TSHR: variants seen among roughly 807,000 people sequenced by gnomAD.
TSHR encodes the protein thyrotropin receptor.
A neutral mutation model predicts 64.1 loss-of-function variants in TSHR; 51 were observed. That is an observed-to-expected ratio of 0.80 (90% CI 0.64 to 1.01). TSHR has a LOEUF of 1.01. TSHR is among the 50% of genes least tolerant of loss of function. TSHR has a pLI of 0.00. For missense variants in TSHR, 877 were observed against 942.8 expected (o/e 0.93, Z 0.91); for synonymous variants, 361 against 361.9 (o/e 1.00, Z 0.03).
intron 1 of TSHR, among the ~76,000 whole-genome samples, chr14:81,055,162 C>A (rs1410298180): frequency 6.6e-6 from 1 of 152,136 alleles, no homozygotes; most frequent in Non-Finnish European, 1.5e-5. Flanking sequence ...CAGCTCAGAC[C>A]ATGGCTTCAG....
chr14:81,035,964 C>T (rs1246623254), intron 1 of TSHR, among the ~76,000 whole-genome samples: 5 of 152,050 alleles, frequency 3.3e-5, no homozygotes, highest in African/African-American at 9.7e-5. Flanking sequence ...TTCAGAGCTT[C>T]AATAGCAGAC....
At position 80,955,684 on chromosome 14, in the gene TSHR, A is replaced by G; in HGVS notation, c.4A>G (p.Arg2Gly). The change falls in exon 1 of 10, where the codon AGG becomes GGG. Residue 2 changes from arginine (R) to glycine (G), a missense_variant. Physicochemically the swap from Arg to Gly is moderately radical, Grantham distance 125. Coordinates refer to ENST00000298171, the MANE Select transcript of TSHR (RefSeq NM_000369.5). M[R>G]PADLLQLVLL... ...ATAGCCCCGAGTCCCGTGGAAAATG[A>G]GGCCGGCGGACTTGCTGCAGCTGGT... 1 of 1,613,982 alleles carries G rather than the reference A, an allele frequency of 6.2e-7. No individual in the cohort carries two copies. Among genetic ancestry groups the G allele is most frequent in the Non-Finnish European group, 8.5e-7 (1 of 1,179,968 alleles).
intron 3 of TSHR, 148 bp downstream of exon 3, chr14:81,068,476 T>C (rs1318686650): frequency 1.4e-6 from 1 of 708,162 alleles, no homozygotes; most frequent in Non-Finnish European, 2.5e-6. Flanking sequence ...GTTCTCATTC[T>C]CAGTTCATGT....
At chr14:81,124,422 A>G (rs1890933128) in intron 8 of TSHR, among the ~76,000 whole-genome samples, 1 of 152,178 alleles carries the variant, frequency 6.6e-6, no homozygotes, top group Non-Finnish European at 1.5e-5. Context: ...GGTTGATGCA[A>G]TTCGACAAAA....
chr14:81,059,350 G>C (rs1886058798), intron 1 of TSHR, among the ~76,000 whole-genome samples: 1 of 152,140 alleles, frequency 6.6e-6, no homozygotes, highest in African/African-American at 2.4e-5. Context: ...AAGCTAATAT[G>C]ATGAATTTTA....
intron 8 of TSHR, among the ~76,000 whole-genome samples, chr14:81,125,529 T>C (rs952138473): frequency 2.0e-5 from 3 of 152,144 alleles, no homozygotes; most frequent in Admixed American, 2.0e-4. Flanking sequence ...CTGGGACTGC[T>C]AATCTGCACC....
At chr14:80,982,694 C>T (rs1888234912) in intron 1 of TSHR, 3 of 956,748 alleles carry the variant, frequency 3.1e-6, no homozygotes, top group African/African-American at 1.7e-5. Context: ...CGGATTAGAT[C>T]CCAGGCATCT....
intron 4 of TSHR, among the ~76,000 whole-genome samples, chr14:81,088,609 G>A (rs563146921): frequency 7.2e-5 from 11 of 152,196 alleles, no homozygotes; most frequent in Admixed American, 7.2e-4. Flanking sequence ...CAGAGTAGGC[G>A]CTCAGTACAA....
chr14:81,101,803 C>G (rs952851152), intron 7 of TSHR, among the ~76,000 whole-genome samples: 2 of 152,040 alleles, frequency 1.3e-5, no homozygotes, highest in African/African-American at 4.8e-5. Context: ...CTGGAGAAAA[C>G]CCACACAGAC....
intron 8 of TSHR, among the ~76,000 whole-genome samples, chr14:81,124,388 C>T (rs898040353): frequency 3.3e-5 from 5 of 152,020 alleles, no homozygotes; most frequent in African/African-American, 7.2e-5. Context: ...CATACAATAA[C>T]GTACACAATT....
At chr14:81,071,225 C>T (rs1887045076) in intron 3 of TSHR, among the ~76,000 whole-genome samples, 1 of 152,148 alleles carries the variant, frequency 6.6e-6, no homozygotes, top group African/African-American at 2.4e-5. Flanking sequence ...ATTTCACATA[C>T]TGTAATTGTC....
chr14:81,108,729 T>C, intron 8 of TSHR: 1 of 1,613,110 alleles, frequency 6.2e-7, no homozygotes, highest in Non-Finnish European at 8.5e-7. Flanking sequence ...AGAGGCTCTG[T>C]TCATGGAGCA....
At chr14:81,140,346 A>T (rs1057421006) in intron 9 of TSHR, among the ~76,000 whole-genome samples, 1 of 152,160 alleles carries the variant, frequency 6.6e-6, no homozygotes, top group Non-Finnish European at 1.5e-5. Context: ...AGCTGGGTTT[A>T]TACCGCAGCT....
chr14:80,991,473 T>A (rs2139741331), intron 1 of TSHR: 1 of 396,262 alleles, frequency 2.5e-6, no homozygotes, highest in African/African-American at 2.1e-5. Flanking sequence ...CAATTAATGG[T>A]GACATGTCCC....
chr14:81,133,124 G>A (rs116771421), intron 8 of TSHR, among the ~76,000 whole-genome samples: 1 of 152,286 alleles, frequency 6.6e-6, no homozygotes, highest in African/African-American at 2.4e-5. Flanking sequence ...ACAGTTCTGT[G>A]TGCTAAATAC....
At chr14:80,984,165 G>T (rs886457362) in intron 1 of TSHR, among the ~76,000 whole-genome samples, 3 of 152,160 alleles carry the variant, frequency 2.0e-5, no homozygotes, top group Non-Finnish European at 4.4e-5. Flanking sequence ...TAATGTAAGA[G>T]AAACTACTCT....
chr14:81,018,557 G>A (rs1046547587), intron 1 of TSHR, among the ~76,000 whole-genome samples: 1 of 152,176 alleles, frequency 6.6e-6, no homozygotes, highest in African/African-American at 2.4e-5. Flanking sequence ...CCGAAGAGTT[G>A]GAGGGAAAGC....
intron 1 of TSHR, among the ~76,000 whole-genome samples, chr14:80,973,603 G>A (rs1036305247): frequency 6.6e-6 from 1 of 151,954 alleles, no homozygotes; most frequent in East Asian, 1.9e-4. Context: ...TCTAGAAAGC[G>A]GCGACTTAAT....
intron 1 of TSHR, among the ~76,000 whole-genome samples, chr14:81,038,474 A>G (rs2139839355): frequency 6.6e-6 from 1 of 151,670 alleles, no homozygotes; most frequent in African/African-American, 2.4e-5. Context: ...ATTAAGAATG[A>G]AGGGAATAAT....
Sources: gnomAD v4.1 joint callset for allele counts (sites outside exome capture counted in the v4.1 genomes callset) on GRCh38, gnomAD v4.1.1 for gene constraint, MANE v1.5 for transcripts, NCBI Gene and HGNC (gene_info 2026-07-23, HGNC 2026-07-21) for gene names.